Variants in RALGDS observed in about 807,000 individuals in gnomAD.
The protein encoded by RALGDS is ral guanine nucleotide dissociation stimulator.
A neutral mutation model predicts 99.8 loss-of-function variants in RALGDS; 44 were observed. The observed-to-expected ratio is 0.44, with a 90% CI of 0.35 to 0.57. RALGDS has a LOEUF of 0.57. Ranked by LOEUF, RALGDS falls within the 20% of genes least tolerant of loss-of-function variation. RALGDS has a pLI of 0.01. For synonymous variants in RALGDS, 529 were observed against 505.0 expected (o/e 1.05, Z -0.64); for missense variants, 1,022 against 1,203.1 (o/e 0.85, Z 2.23).
intron 8 of RALGDS, among the ~76,000 whole-genome samples, chr9:133,106,295 G>A (rs1831051591): frequency 6.6e-6 from 1 of 152,054 alleles, no homozygotes; most frequent in South Asian, 2.1e-4. Flanking sequence ...GTGGCCAGAT[G>A]TCGACTCATT....
chr9:133,098,939 G>A (rs1339776981), intron 17 of RALGDS, 177 bp from the exon 18 acceptor site: 3 of 630,466 alleles, frequency 4.8e-6, no homozygotes, highest in African/African-American at 3.7e-5. Flanking sequence ...GACAGACTCT[G>A]CTGAGGTCCT....
Position 133,098,449 on chromosome 9 carries a change from C to A in RALGDS, c.*138G>T. On this transcript the variant is annotated 3_prime_UTR_variant, in exon 18 of 18. Coordinates refer to ENST00000372050, the MANE Select transcript of RALGDS (RefSeq NM_006266.4). The stretch of plus-strand genomic sequence containing the variant: ...GACCAATGGCAGGCGTCAATCCCAG[C>A]AGCGGGAGAGGTTCAGGATGAAACT... 1 of 907,046 alleles carries A rather than the reference C, an allele frequency of 1.1e-6. No individual in the cohort carries two copies. The highest frequency in any genetic ancestry group is 1.7e-6 in the Non-Finnish European group (1 of 582,842). 56.2% of individuals were successfully genotyped at this position (907,046 alleles called of 1,614,324 possible).
At chr9:133,100,605 G>A (rs770398002) in intron 16 of RALGDS, 404 of 1,425,726 alleles carry the variant, frequency 2.8e-4, no homozygotes, top group Non-Finnish European at 3.4e-4. Flanking sequence ...GGAATGAGGA[G>A]GGGTCTGTCC....
At chr9:133,149,117 C>G in exon 1 of RALGDS, 2 of 385,290 alleles carry the variant, frequency 5.2e-6, no homozygotes, top group Non-Finnish European at 7.4e-6. Context: ...CCCGCCGGGC[C>G]CAGGACTCTG....
At chr9:133,121,300 G>C, upstream of RALGDS, 2 of 867,008 alleles carry the variant, frequency 2.3e-6, no homozygotes, top group African/African-American at 1.8e-5. Context: ...GAGGGGAAGA[G>C]GGTGGGGCCG....
chr9:133,120,857 A>C, intron 1 of RALGDS, 115 bp downstream of exon 1: 1 of 1,173,920 alleles, frequency 8.5e-7, no homozygotes, highest in Non-Finnish European at 1.1e-6. Context: ...GAGAGGAGGG[A>C]GGCGGCCCGC....
intron 1 of RALGDS, among the ~76,000 whole-genome samples, chr9:133,128,535 C>T (rs34325210): frequency 0.24 from 36,521 of 152,106 alleles, 4,866 homozygotes; most frequent in Middle Eastern, 0.39. Flanking sequence ...GCCATCCTGG[C>T]CCCGGACTCC....
In RALGDS at chr9:133,148,966, G is replaced by A. The variant is rs759540356; in HGVS notation, c.15C>T (p.Cys5=). The A allele has an allele frequency of 2.2e-5, 35 of 1,601,752 alleles. No homozygotes were observed. In the East Asian group the frequency reaches 6.3e-4, roughly 29 times the overall value. The stretch of plus-strand genomic sequence containing the variant: ...GCTGGGGACGGCGCGCACTCACCTG[G>A]CAATCTACCATCATCCTCAGCCTCG... The change falls in exon 1 of 18, where the codon TGC becomes TGT. Residue 5 remains cysteine (C), a synonymous_variant. Transcript: ENST00000393160.
At chr9:133,105,192 C>CTG (rs1207638160) in intron 9 of RALGDS, among the ~76,000 whole-genome samples, 1 of 152,176 alleles carries the variant, frequency 6.6e-6, no homozygotes, top group Non-Finnish European at 1.5e-5. Context: ...GTAGGGAACT[C>CTG]TGTGTGTGTC....
intron 1 of RALGDS, among the ~76,000 whole-genome samples, chr9:133,136,504 G>A (rs765013020): frequency 3.9e-5 from 6 of 152,192 alleles, no homozygotes; most frequent in Non-Finnish European, 5.9e-5. Context: ...GCTCGGGTGC[G>A]GTGGCTCACG....
intron 4 of RALGDS, among the ~76,000 whole-genome samples, chr9:133,109,134 GC>G (rs1263830379): frequency 6.6e-6 from 1 of 152,210 alleles, no homozygotes; most frequent in Non-Finnish European, 1.5e-5. Context: ...CTCCTGCCGG[GC>G]ATCTGCAGGT....
At chr9:133,142,047 G>A (rs1005767584) in intron 1 of RALGDS, among the ~76,000 whole-genome samples, 1 of 152,178 alleles carries the variant, frequency 6.6e-6, no homozygotes, top group Admixed American at 6.5e-5. Flanking sequence ...CTGACCTTGC[G>A]TTTTCTGACA....
At chr9:133,132,392 T>C (rs1036782558), upstream of RALGDS, among the ~76,000 whole-genome samples, 2 of 152,058 alleles carry the variant, frequency 1.3e-5, no homozygotes, top group Non-Finnish European at 2.9e-5. Flanking sequence ...TGCCTGGCCA[T>C]GTGACTGTGG....
At position 133,098,909 on chromosome 9, in the gene RALGDS, C is replaced by T. The variant is rs1004471537; in HGVS notation, c.2570-147G>A. 13 of 725,718 alleles carry T rather than the reference C, an allele frequency of 1.8e-5. No homozygotes were observed. In the Admixed American group the frequency reaches 2.8e-4, roughly 16 times the overall value. The allele number at this position is 725,718 out of a possible 1,614,324, so 45.0% of individuals were successfully genotyped here. A position where few individuals can be genotyped will look rare whatever the true frequency, so the allele number is the denominator to read the frequency against. On this transcript the variant is annotated intron_variant, in intron 17 of 17. Transcript: ENST00000372050. ...CAGCTCCAGAACTCCAAGGACCCCT[C>T]TCAATGACTCCTGCCTGAGGACAGA...
chr9:133,140,643 A>G (rs1832503678), intron 1 of RALGDS, among the ~76,000 whole-genome samples: 1 of 150,356 alleles, frequency 6.7e-6, no homozygotes, highest in Non-Finnish European at 1.5e-5. Context: ...TGTGCCCACC[A>G]TGCAGTGCAG....
chr9:133,105,205 C>T (rs745893336), intron 9 of RALGDS, among the ~76,000 whole-genome samples: 31 of 152,278 alleles, frequency 2.0e-4, no homozygotes, highest in Middle Eastern at 3.4e-3. Context: ...TGTGTGTCCA[C>T]GCAGGAGGGG....
At chr9:133,129,201 G>A (rs779404205) in intron 1 of RALGDS, 11 of 1,597,010 alleles carry the variant, frequency 6.9e-6, no homozygotes, top group East Asian at 2.2e-5. Context: ...AGAGCGGCAC[G>A]ACGGGCGACG....
chr9:133,106,676 G>T lies in RALGDS; in HGVS notation c.1486C>A (p.Arg496Ser). The T allele has an allele frequency of 6.2e-7, 1 of 1,612,016 alleles. No homozygotes were observed. Among genetic ancestry groups the T allele is most frequent in the South Asian group, 1.1e-5 (1 of 90,832 alleles). Residue 496 changes from arginine to serine, a missense_variant, in exon 8 of 18, where the codon CGT (arginine) becomes AGT (serine). Physicochemically the swap from Arg to Ser is moderately radical, Grantham distance 110 (BLOSUM62 -1). Transcript: ENST00000372050. ...ACGTCTTCCCACGTCTTCTTCAGAC[G>T]GTGGATGGAGTTGCTCTGCAGGGCA... ...LSALQSNSIHRLKKTWEDVSR... is the reference protein window; with the variant it reads ...LSALQSNSIHSLKKTWEDVSR...
chr9:133,142,783 C>T (rs1283215877), intron 1 of RALGDS, among the ~76,000 whole-genome samples: 1 of 152,232 alleles, frequency 6.6e-6, no homozygotes, highest in African/African-American at 2.4e-5. Context: ...TCCTTGCCGC[C>T]ATTAACCACC....
Sources: gnomAD v4.1 joint callset for allele counts (sites outside exome capture counted in the v4.1 genomes callset) on GRCh38, gnomAD v4.1.1 for gene constraint, MANE v1.5 for transcripts, NCBI Gene and HGNC (gene_info 2026-07-23, HGNC 2026-07-21) for gene names.